PRRC2C: variants seen among roughly 807,000 people sequenced by gnomAD.
PRRC2C encodes protein PRRC2C.
A neutral mutation model predicts 317.2 loss-of-function variants in PRRC2C; 72 were observed. The observed-to-expected ratio is 0.23, with a 90% CI of 0.19 to 0.28. The LOEUF is 0.28. Ranked by LOEUF, PRRC2C falls within the 10% of genes least tolerant of loss-of-function variation. The probability of loss-of-function intolerance (pLI) is 1.00; values close to 1 mark genes in which losing one functional copy is unlikely to be tolerated. For synonymous variants in PRRC2C, 1,296 were observed against 1,205.9 expected (o/e 1.07, Z -1.55); for missense variants, 3,074 against 3,459.7 (o/e 0.89, Z 2.80).
rs1462410011 is a variant in PRRC2C, at chr1:171,513,087, A to G, written c.205A>G (p.Asn69Asp). 1 of 1,613,756 alleles carries G rather than the reference A, an allele frequency of 6.2e-7. No homozygotes were observed. Among genetic ancestry groups the G allele is most frequent in the African/African-American group, 1.3e-5 (1 of 74,930 alleles). Residue 69 changes from asparagine to aspartate, a missense_variant, in exon 3 of 35, where the codon AAC becomes GAC. Coordinates refer to ENST00000647382, the MANE Select transcript of PRRC2C (RefSeq NM_001387844.1). ...TAACCTCCCAAGTCTTAAAGCAGAA[A>G]ACAAAGGCAATGATCCTAATGTAAA... ...PANLPSLKAE[N>D]KGNDPNVNIV...
intron 18 of PRRC2C, among the ~76,000 whole-genome samples, chr1:171,551,806 G>T (rs1299308591): frequency 6.6e-6 from 1 of 152,148 alleles, no homozygotes; most frequent in Non-Finnish European, 1.5e-5. Flanking sequence ...CCTCTGTTCT[G>T]TTCCATTGGT....
In PRRC2C at chr1:171,584,012, G is replaced by A. The variant is rs754569098; in HGVS notation, c.7466G>A (p.Gly2489Asp). Residue 2489 changes from glycine (G) to aspartate (D), a missense_variant, in exon 29 of 35, where the codon GGT (glycine) becomes GAT (aspartate). By Grantham distance (94) the Gly-to-Asp change is moderately conservative. Transcript: ENST00000647382. ...SLSQPSVVLSGTAIHNFPTVQ... is the reference protein window; with the variant it reads ...SLSQPSVVLSDTAIHNFPTVQ... ...TCCCAGCCATCTGTGGTCCTTTCTG[G>A]TACTGCTATTCACAACTTTCCAACT... 1.9e-6 allele frequency: 3 copies of A among 1,613,884 alleles called. No homozygotes were observed. Among genetic ancestry groups the A allele is most frequent in the Non-Finnish European group, 2.5e-6 (3 of 1,179,850 alleles).
In PRRC2C at chr1:171,587,103, A is replaced by G; in HGVS notation, c.7850A>G (p.Gln2617Arg). Residue 2617 changes from glutamine to arginine, a missense_variant, in exon 31 of 35, where the codon CAG (glutamine) becomes CGG (arginine). By Grantham distance (43) the Gln-to-Arg change is conservative. Transcript: ENST00000647382. ...ALPQTLQPPL[Q>R]HTTPQAQAQS... Reference sequence around the variant, plus strand: ...CCTCAGACTCTTCAGCCCCCATTACAGCATACCACTCCCCAAGCACAGGCT... The same window carrying G: ...CCTCAGACTCTTCAGCCCCCATTACGGCATACCACTCCCCAAGCACAGGCT... The G allele has an allele frequency of 1.9e-6, 3 of 1,612,044 alleles. No individual in the cohort carries two copies. Among genetic ancestry groups the G allele is most frequent in the South Asian group, 1.1e-5 (1 of 90,376 alleles).
Position 171,522,183 on chromosome 1 carries a change from C to A in PRRC2C, c.757C>A (p.Gln253Lys). ...YRAMMPPYMF[Q>K]QYPRMTYPPL... ...TTTTGTTTCCTTCATTCAGATGTTC[C>A]AACAGTATCCGAGGATGACATATCC... Residue 253 changes from glutamine (Q) to lysine (K), a missense_variant, in exon 7 of 35, where the codon CAA (glutamine) becomes AAA (lysine). This residue lies in a region of PRRC2C where 237 missense variants were observed against 199.5 expected (regional missense o/e 1.19). Coordinates refer to ENST00000647382, the MANE Select transcript of PRRC2C (RefSeq NM_001387844.1). 6.4e-7 allele frequency: 1 copy of A among 1,566,304 alleles called. No homozygotes were observed. Among genetic ancestry groups the A allele is most frequent in the Non-Finnish European group, 8.7e-7 (1 of 1,147,478 alleles).
chr1:171,499,909 C>CTA (rs1668778931), intron 1 of PRRC2C, among the ~76,000 whole-genome samples: 1 of 152,162 alleles, frequency 6.6e-6, no homozygotes, highest in Non-Finnish European at 1.5e-5. Context: ...TACACAGATG[C>CTA]TATTTAACTT....
chr1:171,495,759 TTGAG>T (rs1667976332), intron 1 of PRRC2C, among the ~76,000 whole-genome samples: 1 of 152,202 alleles, frequency 6.6e-6, no homozygotes, highest in Admixed American at 6.5e-5. Context: ...TAGTTAAAAT[TTGAG>T]TGATAAAATT....
chr1:171,510,224 T>G (rs1424537232), intron 1 of PRRC2C: 1 of 152,184 alleles, frequency 6.6e-6, no homozygotes. Flanking sequence ...ACAGGTTGGT[T>G]TGGAGATTTG....
At chr1:171,553,992 G>A (rs1176920472) in intron 18 of PRRC2C, among the ~76,000 whole-genome samples, 1 of 152,162 alleles carries the variant, frequency 6.6e-6, no homozygotes, top group Non-Finnish European at 1.5e-5. Context: ...TCTGCTTGTT[G>A]CAGAGCTGAG....
At position 171,541,927 on chromosome 1, in the gene PRRC2C, T is replaced by C; in HGVS notation, c.4461T>C (p.Asn1487=). 2.5e-6 allele frequency: 4 copies of C among 1,613,750 alleles called. No individual in the cohort carries two copies. Among genetic ancestry groups the C allele is most frequent in the Non-Finnish European group, 3.4e-6 (4 of 1,179,814 alleles). The change falls in exon 16 of 35, where the codon AAT becomes AAC. Residue 1487 remains asparagine, a synonymous_variant. Transcript: ENST00000647382. The surrounding 1 kb of genome is among the most constrained non-coding windows in gnomAD (Gnocchi z 4.1). ...ISGNKTPDLS[N]QNSSDQANEE... Reference sequence around the variant, plus strand: ...GGAATAAGACACCAGATTTATCTAATCAGAACTCTTCAGATCAGGCAAATG... The same window carrying C: ...GGAATAAGACACCAGATTTATCTAACCAGAACTCTTCAGATCAGGCAAATG...
At chr1:171,511,087 T>C (rs1671287281) in intron 1 of PRRC2C, 1 of 152,192 alleles carries the variant, frequency 6.6e-6, no homozygotes, top group Non-Finnish European at 1.5e-5. Context: ...GGTATACCTA[T>C]TCTATACTAT....
At position 171,588,431 on chromosome 1, in the gene PRRC2C, T is replaced by C; in HGVS notation, c.8125T>C (p.Tyr2709His). The C allele has an allele frequency of 6.2e-7, 1 of 1,613,608 alleles. No individual in the cohort carries two copies. The highest frequency in any genetic ancestry group is 8.5e-7 in the Non-Finnish European group (1 of 1,179,710). ...GTCCAGCAAAATGAACAGCATTGTC[T>C]ACCAGAAGCAGTTCCAGTCAGCCCC... The part of the protein sequence containing the change: ...SQSSKMNSIV[Y>H]QKQFQSAPAT... Residue 2709 changes from tyrosine (Y) to histidine (H), a missense_variant, in exon 33 of 35, where the codon TAC becomes CAC. By Grantham distance (83) the Tyr-to-His change is moderately conservative. This residue lies in a region of PRRC2C where 490 missense variants were observed against 663.1 expected (regional missense o/e 0.74). Transcript: ENST00000647382.
chr1:171,566,549 C>T, intron 21 of PRRC2C, 43 bp from the exon 22 acceptor site: 2 of 1,503,298 alleles, frequency 1.3e-6, no homozygotes, highest in South Asian at 1.3e-5. Flanking sequence ...GAAAGATACT[C>T]ATCTATCATA....
chr1:171,586,063 A>ATTT lies in PRRC2C; in HGVS notation c.7750-921_7750-919dup, dbSNP rs920423722. ...ATCCGTCGCAGGAGGTCAGGTGTTGATTTTTTTTTTTTTTTTTTTTTGAGA... is the reference window on the plus strand; with the variant it reads ...ATCCGTCGCAGGAGGTCAGGTGTTGATTTTTTTTTTTTTTTTTTTTTTTTGAGA... On this transcript the variant is annotated intron_variant, in intron 30 of 34. Transcript: ENST00000647382. 8.4e-5 allele frequency among the ~76,000 whole-genome samples: 7 copies of ATTT among 83,028 alleles called. 2 individuals carry two copies. The highest frequency in any genetic ancestry group is 2.8e-4 in the African/African-American group (6 of 21,204). 54.5% of individuals were successfully genotyped at this position (83,028 alleles called of 152,430 possible). A position where few individuals can be genotyped will look rare whatever the true frequency, so the allele number is the denominator to read the frequency against.
chr1:171,546,484 T>C (rs1679138480), intron 17 of PRRC2C, among the ~76,000 whole-genome samples: 1 of 152,260 alleles, frequency 6.6e-6, no homozygotes, highest in Non-Finnish European at 1.5e-5. Flanking sequence ...CATATTAAGC[T>C]CTGATTTGAG....
Position 171,517,633 on chromosome 1 carries a change from C to T in PRRC2C, c.569C>T (p.Pro190Leu). ...GATGGTGGTAAGGCTGCTGGCTCACCTTCGTCATCTGATCAAGATGAAAAG... is the reference window on the plus strand; with the variant it reads ...GATGGTGGTAAGGCTGCTGGCTCACTTTCGTCATCTGATCAAGATGAAAAG... ...WRDGGKAAGSPSSSDQDEKLP... is the reference protein window; with the variant it reads ...WRDGGKAAGSLSSSDQDEKLP... Residue 190 changes from proline (P) to leucine (L), a missense_variant, in exon 6 of 35, where the codon CCT (proline) becomes CTT (leucine). Physicochemically the swap from Pro to Leu is moderately conservative, Grantham distance 98. Around this residue, in one of 11 missense-constraint regions of PRRC2C, gnomAD observed 237 missense variants for 199.5 expected, o/e 1.19. Transcript: ENST00000647382. 1 of 1,612,576 alleles carries T rather than the reference C, an allele frequency of 6.2e-7. No individual in the cohort carries two copies. The highest frequency in any genetic ancestry group is 2.2e-5 in the East Asian group (1 of 44,860).
At position 171,532,845 on chromosome 1, in the gene PRRC2C, A is replaced by G; in HGVS notation, c.1757A>G (p.Glu586Gly). The G allele has an allele frequency of 6.2e-7, 1 of 1,601,968 alleles. No homozygotes were observed. ...EKELQKMKEQ[E>G]KECELEKERE... ...GAACTACAAAAGATGAAAGAACAAG[A>G]AAAGGAATGTGAGCTGGAGAAGGAA... The change falls in exon 12 of 35, where the codon GAA (glutamate) becomes GGA (glycine). Residue 586 changes from glutamate to glycine, a missense_variant. By Grantham distance (98) the Glu-to-Gly change is moderately conservative. Around this residue, in one of 11 missense-constraint regions of PRRC2C, gnomAD observed 1,320 missense variants for 1,395.7 expected, o/e 0.95. Transcript: ENST00000647382.
At chr1:171,584,359 A>G in intron 29 of PRRC2C, 60 bp from the exon 30 acceptor site, 1 of 1,446,784 alleles carries the variant, frequency 6.9e-7, no homozygotes, top group East Asian at 2.4e-5. Context: ...CATAATCTCC[A>G]CCTCTGAATT....
chr1:171,517,812 T>A lies in PRRC2C; in HGVS notation c.748T>A (p.Tyr250Asn), dbSNP rs765793865. 6.2e-7 allele frequency: 1 copy of A among 1,609,068 alleles called. No homozygotes were observed. Among genetic ancestry groups the A allele is most frequent in the African/African-American group, 1.3e-5 (1 of 74,830 alleles). The change falls in exon 6 of 35, where the codon TAT (tyrosine) becomes AAT (asparagine). Residue 250 changes from tyrosine (Y) to asparagine (N), a missense_variant and splice_region_variant. Tyr to Asn is a moderately radical substitution (Grantham distance 143). Transcript: ENST00000647382. ...ASQYRAMMPP[Y>N]MFQQYPRMTY... ...CCAGTATAGAGCTATGATGCCTCCT[T>A]ATGTGAGTATTGTTAAATGAACAAG...
At chr1:171,495,063 C>T (rs1231962855) in intron 1 of PRRC2C, among the ~76,000 whole-genome samples, 1 of 152,084 alleles carries the variant, frequency 6.6e-6, no homozygotes, top group Non-Finnish European at 1.5e-5. Context: ...ACAGTTTTTC[C>T]TTTGCATTCA....
Sources: gnomAD v4.1 joint callset for allele counts (sites outside exome capture counted in the v4.1 genomes callset) on GRCh38, gnomAD v4.1.1 for gene constraint, gnomAD v4.1.1 regional missense constraint, Gnocchi (gnomAD v3.1) non-coding constraint, MANE v1.5 for transcripts, NCBI Gene and HGNC (gene_info 2026-07-23, HGNC 2026-07-21) for gene names.